KLF8: variants seen among roughly 807,000 people sequenced by gnomAD.
The protein encoded by KLF8 is Krueppel-like factor 8.
KLF8 carries 10 observed loss-of-function variants against 18.2 expected under a neutral mutation model. The ratio of observed to expected loss-of-function variants is 0.55; its 90% CI spans 0.34 to 0.93. KLF8 has a LOEUF of 0.93. KLF8 is among the 40% of genes least tolerant of loss of function. The probability of loss-of-function intolerance (pLI) is 0.02; values close to 1 mark genes in which losing one functional copy is unlikely to be tolerated. For synonymous variants in KLF8, 109 were observed against 97.3 expected, an observed-to-expected ratio of 1.12 and a Z score of -0.71; for missense variants, 264 against 277.9, an observed-to-expected ratio of 0.95 and a Z score of 0.36.
the KLF8 span, among the ~76,000 whole-genome samples, chrX:56,094,552 C>T: frequency 2.0e-4 from 22 of 110,559 alleles, no homozygotes; most frequent in Non-Finnish European, 7.6e-5. Context: ...TTATCAGATC[C>T]AGCAGGTAGA....
the KLF8 span, among the ~76,000 whole-genome samples, chrX:56,121,463 T>C: frequency 1.8e-5 from 2 of 112,377 alleles, no homozygotes; most frequent in Admixed American, 9.4e-5. Context: ...TTTGGACTTA[T>C]ATCCTGACTC....
the KLF8 span, among the ~76,000 whole-genome samples, chrX:56,096,259 A>G: frequency 2.7e-5 from 3 of 111,186 alleles, no homozygotes; most frequent in African/African-American, 9.8e-5. Flanking sequence ...CATCTAGCAT[A>G]AAGAGTGGAA....
chrX:55,986,328 T>G, the KLF8 span, among the ~76,000 whole-genome samples: 1 of 112,228 alleles, frequency 8.9e-6, no homozygotes, highest in African/African-American at 3.2e-5. Flanking sequence ...CCTACTTTAT[T>G]GAGAGTTTTT....
At chrX:56,105,741 A>T in the KLF8 span, among the ~76,000 whole-genome samples, 1 of 111,432 alleles carries the variant, frequency 9.0e-6, no homozygotes, top group East Asian at 2.8e-4. Context: ...TGTGAATTTT[A>T]TCCTGTCATT....
At chrX:56,140,820 GAAAT>G in the KLF8 span, among the ~76,000 whole-genome samples, 1 of 60,937 alleles carries the variant, frequency 1.6e-5, no homozygotes, top group Non-Finnish European at 3.2e-5. Context: ...AAAAAAAAAA[GAAAT>G]GCTATACCAA....
At chrX:56,055,941 C>T in the KLF8 span, among the ~76,000 whole-genome samples, 1 of 111,541 alleles carries the variant, frequency 9.0e-6, no homozygotes, top group African/African-American at 3.3e-5. Flanking sequence ...TCTATAGTGG[C>T]TATTTTATCT....
chrX:55,983,390 A>T, the KLF8 span, among the ~76,000 whole-genome samples: 1 of 111,581 alleles, frequency 9.0e-6, no homozygotes, highest in Non-Finnish European at 1.9e-5. Context: ...GCTACTCCAC[A>T]TGGTTTTCCA....
chrX:56,009,833 A>C, the KLF8 span, among the ~76,000 whole-genome samples: 1 of 112,430 alleles, frequency 8.9e-6, no homozygotes, highest in Non-Finnish European at 1.9e-5. Flanking sequence ...TCAATAACCA[A>C]CTAGTCCAAC....
At chrX:56,093,240 AG>A in the KLF8 span, among the ~76,000 whole-genome samples, 3 of 111,494 alleles carry the variant, frequency 2.7e-5, no homozygotes, top group Non-Finnish European at 3.8e-5. Flanking sequence ...ATCTATACCT[AG>A]GCATATTGTA....
At chrX:56,091,151 G>T in the KLF8 span, among the ~76,000 whole-genome samples, 1 of 111,126 alleles carries the variant, frequency 9.0e-6, no homozygotes, top group South Asian at 3.9e-4. Context: ...CATGTCGAGG[G>T]TGGGACCTGG....
the KLF8 span, among the ~76,000 whole-genome samples, chrX:56,120,934 C>A: frequency 9.0e-6 from 1 of 111,212 alleles, no homozygotes; most frequent in Non-Finnish European, 1.9e-5. Flanking sequence ...CGCCTGTAAT[C>A]CCAGCACTTT....
At chrX:56,065,485 C>T in the KLF8 span, among the ~76,000 whole-genome samples, 1 of 110,721 alleles carries the variant, frequency 9.0e-6, no homozygotes, top group Admixed American at 9.6e-5. Context: ...AAAATAATAT[C>T]TGTTTTCTTG....
chrX:56,033,351 T>G, the KLF8 span, among the ~76,000 whole-genome samples: 1 of 111,936 alleles, frequency 8.9e-6, no homozygotes, highest in Non-Finnish European at 1.9e-5. Context: ...AATGACAGGA[T>G]TTTTTTCCTT....
the KLF8 span, among the ~76,000 whole-genome samples, chrX:56,155,622 A>G: frequency 3.6e-5 from 4 of 112,055 alleles, no homozygotes; most frequent in African/African-American, 6.5e-5. Flanking sequence ...AAATTAAAAA[A>G]TTAAAAAGAT....
chrX:56,046,437 T>C, the KLF8 span, among the ~76,000 whole-genome samples: 1 of 111,556 alleles, frequency 9.0e-6, no homozygotes, highest in African/African-American at 3.3e-5. Context: ...GGTACTATTT[T>C]ATTCATTGTG....
the KLF8 span, among the ~76,000 whole-genome samples, chrX:56,012,340 A>G: frequency 1.8e-5 from 2 of 112,106 alleles, no homozygotes; most frequent in African/African-American, 6.5e-5. Context: ...AGCTGAAGAC[A>G]AAAACACATG....
chrX:56,249,004 A>G (rs148821847), intron 1 of KLF8, among the ~76,000 whole-genome samples: 93 of 112,351 alleles, frequency 8.3e-4, no homozygotes, highest in Admixed American at 5.5e-3. Flanking sequence ...CTTGGAATAC[A>G]TTAGTGAAAA....
the KLF8 span, among the ~76,000 whole-genome samples, chrX:56,102,734 A>G: frequency 7.2e-5 from 8 of 110,967 alleles, no homozygotes; most frequent in Non-Finnish European, 1.5e-4. Context: ...ATGGGATTGT[A>G]TTCTTTTTTA....
the KLF8 span, among the ~76,000 whole-genome samples, chrX:56,174,679 T>A: frequency 8.9e-6 from 1 of 111,959 alleles, no homozygotes; most frequent in African/African-American, 3.2e-5. Flanking sequence ...TGGTAACTGC[T>A]CCTCCTTGTA....
Sources: allele counts gnomAD v4.1 joint callset (sites outside exome capture counted in the v4.1 genomes callset), GRCh38; gene constraint gnomAD v4.1.1; transcripts MANE v1.5; gene names NCBI Gene and HGNC (gene_info 2026-07-23, HGNC 2026-07-21).